MYLK4: variants seen among roughly 807,000 people sequenced by gnomAD.
MYLK4 encodes caMLCK like.
Under a neutral mutation model 48.1 loss-of-function variants are expected in MYLK4, and 46 were observed. That is an observed-to-expected ratio of 0.96 (90% CI 0.75 to 1.22). MYLK4 has a LOEUF of 1.22. Ranked by LOEUF, MYLK4 falls within the 50% of genes most tolerant of loss-of-function variation. The pLI, the probability that MYLK4 is intolerant of heterozygous loss-of-function variation, is 0.00. For synonymous variants in MYLK4, 170 were observed against 180.8 expected (o/e 0.94, Z 0.48); for missense variants, 451 against 486.1 (o/e 0.93, Z 0.68).
chr6:2,709,579 G>T (rs1365863195), intron 2 of MYLK4, among the ~76,000 whole-genome samples: 2 of 152,244 alleles, frequency 1.3e-5, no homozygotes, highest in Non-Finnish European at 2.9e-5. Context: ...ACAGCACATG[G>T]CAACCCAGAG....
At chr6:2,728,155 T>C (rs1204891552) in intron 2 of MYLK4, among the ~76,000 whole-genome samples, 1 of 152,144 alleles carries the variant, frequency 6.6e-6, no homozygotes, top group Non-Finnish European at 1.5e-5. Flanking sequence ...TTTTTAAAAG[T>C]GATCCAGGTA....
intron 2 of MYLK4, among the ~76,000 whole-genome samples, chr6:2,747,437 C>G (rs1764136846): frequency 6.6e-6 from 1 of 152,086 alleles, no homozygotes; most frequent in African/African-American, 2.4e-5. Context: ...CCTTGAACTC[C>G]CGGGCTCAAG....
intron 2 of MYLK4, among the ~76,000 whole-genome samples, chr6:2,711,312 A>G (rs1762666230): frequency 6.6e-6 from 1 of 152,262 alleles, no homozygotes. Context: ...CAACTAGTTT[A>G]GTAACCATGG....
At chr6:2,709,260 T>C in intron 2 of MYLK4, among the ~76,000 whole-genome samples, 1 of 152,226 alleles carries the variant, frequency 6.6e-6, no homozygotes, top group East Asian at 1.9e-4. Flanking sequence ...GGTCATGCTG[T>C]AAGGATCTCA....
upstream of MYLK4, among the ~76,000 whole-genome samples, chr6:2,751,780 G>A (rs1224818776): frequency 1.3e-5 from 2 of 152,192 alleles, no homozygotes; most frequent in African/African-American, 2.4e-5. Flanking sequence ...TGCATTCCAT[G>A]TGAAATAAAA....
intron 9 of MYLK4, among the ~76,000 whole-genome samples, chr6:2,678,890 G>A (rs1422881253): frequency 6.6e-6 from 1 of 152,012 alleles, no homozygotes; most frequent in Non-Finnish European, 1.5e-5. Context: ...TTTTAGTAGA[G>A]ATGGGGTTTC....
At chr6:2,746,269 A>T (rs1214777242) in intron 2 of MYLK4, among the ~76,000 whole-genome samples, 2 of 108,070 alleles carry the variant, frequency 1.9e-5, no homozygotes, top group African/African-American at 5.6e-5. Context: ...TCCGTCTCAA[A>T]AAAAGAAAAA....
rs1582061137 is a variant in MYLK4, at chr6:2,697,198, A to G, written c.160-4339T>C. On this transcript the variant is annotated intron_variant, in intron 2 of 12. Coordinates refer to ENST00000274643, the MANE Select transcript of MYLK4 (RefSeq NM_001012418.5). Reference sequence around the variant, plus strand: ...ACAAAATCAAAATAATTTGGAGACAATTGTAGATAACACCGTGCTTCACAC... The same window carrying G: ...ACAAAATCAAAATAATTTGGAGACAGTTGTAGATAACACCGTGCTTCACAC... Among the ~76,000 whole-genome samples, 6 of 152,240 alleles carry G rather than the reference A, an allele frequency of 3.9e-5. No homozygotes were observed. In the South Asian group the frequency reaches 1.2e-3, roughly 32 times the overall value.
At chr6:2,726,242 C>CA (rs1384430807) in intron 2 of MYLK4, among the ~76,000 whole-genome samples, 2 of 151,826 alleles carry the variant, frequency 1.3e-5, no homozygotes, top group Non-Finnish European at 2.9e-5. Flanking sequence ...AGCAAAATCG[C>CA]AAAAAAGGAA....
chr6:2,728,108 G>A (rs7765397), intron 2 of MYLK4, among the ~76,000 whole-genome samples: 39,030 of 151,840 alleles, frequency 0.26, 5,248 homozygotes, highest in Middle Eastern at 0.3. Flanking sequence ...TGAGTACAAG[G>A]TCACTGAGGC....
chr6:2,668,105 C>G (rs957511702), intron 12 of MYLK4, among the ~76,000 whole-genome samples: 2 of 129,894 alleles, frequency 1.5e-5, no homozygotes, highest in Non-Finnish European at 3.5e-5. Context: ...TTGTGCAAGA[C>G]ATTTTTTTTT....
intron 2 of MYLK4, among the ~76,000 whole-genome samples, chr6:2,703,665 CTTTTTTTTTT>C (rs3055234): frequency 3.2e-5 from 3 of 95,152 alleles, no homozygotes; most frequent in African/African-American, 8.2e-5. Context: ...TTTGTGAATT[CTTTTTTTTTT>C]TTTTTTTTTT....
At chr6:2,691,557 G>A (rs748201605) in intron 3 of MYLK4, among the ~76,000 whole-genome samples, 1 of 152,180 alleles carries the variant, frequency 6.6e-6, no homozygotes, top group African/African-American at 2.4e-5. Flanking sequence ...TGGGAAAATA[G>A]GCAATTTATT....
chr6:2,730,575 G>A (rs1040662270), intron 2 of MYLK4, among the ~76,000 whole-genome samples: 1 of 152,162 alleles, frequency 6.6e-6, no homozygotes, highest in Non-Finnish European at 1.5e-5. Context: ...GAGGAGGAAT[G>A]AATAGGGCAG....
intron 2 of MYLK4, among the ~76,000 whole-genome samples, chr6:2,726,673 C>T (rs1255010844): frequency 5.0e-5 from 7 of 140,460 alleles, no homozygotes; most frequent in East Asian, 2.1e-4. Context: ...AGTGCAGTGG[C>T]GGGATTTCGG....
At chr6:2,742,801 T>A (rs1295681455) in intron 2 of MYLK4, among the ~76,000 whole-genome samples, 2 of 151,152 alleles carry the variant, frequency 1.3e-5, no homozygotes, top group Non-Finnish European at 2.9e-5. Flanking sequence ...CACACCAGCA[T>A]GGCACATGTA....
intron 2 of MYLK4, among the ~76,000 whole-genome samples, chr6:2,713,566 C>A (rs944228477): frequency 6.6e-6 from 1 of 152,070 alleles, no homozygotes; most frequent in African/African-American, 2.4e-5. Flanking sequence ...AAATAGGAGT[C>A]GCATCCATGC....
chr6:2,694,494 G>GTGC, intron 2 of MYLK4, among the ~76,000 whole-genome samples: 3 of 36,148 alleles, frequency 8.3e-5, no homozygotes, highest in East Asian at 5.6e-4. Context: ...AGTGGTCATG[G>GTGC]TGGTGGTGGT....
intron 12 of MYLK4, among the ~76,000 whole-genome samples, chr6:2,670,796 C>T (rs896608987): frequency 6.6e-6 from 1 of 152,130 alleles, no homozygotes; most frequent in Non-Finnish European, 1.5e-5. Flanking sequence ...GCTTCAGAAA[C>T]ACCCGAGGGA....
Sources: allele counts gnomAD v4.1 joint callset (sites outside exome capture counted in the v4.1 genomes callset), GRCh38; gene constraint gnomAD v4.1.1; transcripts MANE v1.5; gene names NCBI Gene and HGNC (gene_info 2026-07-23, HGNC 2026-07-21).